The following FNDC3B variants were observed in gnomAD, a reference collection of about 807,000 sequenced individuals.
FNDC3B encodes fibronectin type III domain containing 3B, also known as fibronectin type III domain-containing protein 3B.
In FNDC3B, 12 loss-of-function variants were observed where a neutral mutation model predicts 151.5. The observed-to-expected ratio is 0.08, with a 90% confidence interval of 0.05 to 0.13. FNDC3B has a LOEUF of 0.13. Among genes scored for constraint, FNDC3B ranks in the 10% least tolerant of loss-of-function variants. The pLI is 1.00. For synonymous variants in FNDC3B, 528 were observed against 549.0 expected (o/e 0.96, Z 0.54); for missense variants, 1,214 against 1,505.3 (o/e 0.81, Z 3.20).
chr3:172,269,186 A>C (rs1406884359), intron 6 of FNDC3B, among the ~76,000 whole-genome samples: 3 of 152,254 alleles, frequency 2.0e-5, no homozygotes, highest in Non-Finnish European at 4.4e-5. Flanking sequence ...TTCAGACTAC[A>C]AAGAAATGTG....
chr3:172,337,175 TC>T (rs1477111829), intron 15 of FNDC3B, among the ~76,000 whole-genome samples, 154 bp from the exon 16 acceptor site: 1 of 152,184 alleles, frequency 6.6e-6, no homozygotes, highest in Non-Finnish European at 1.5e-5. Context: ...TTCTTTTTTT[TC>T]AACAGAGGAG....
chr3:172,223,651 A>G (rs1483824066), intron 3 of FNDC3B, among the ~76,000 whole-genome samples: 6 of 152,250 alleles, frequency 3.9e-5, no homozygotes, highest in Admixed American at 3.9e-4. Context: ...CACACTCTGT[A>G]CTGTGAAACA....
chr3:172,086,573 C>G (rs1033575737), intron 1 of FNDC3B, among the ~76,000 whole-genome samples: 9 of 151,998 alleles, frequency 5.9e-5, no homozygotes, highest in African/African-American at 2.2e-4. Context: ...AAAAATTGGC[C>G]TAAGTTCTTA....
intron 1 of FNDC3B, among the ~76,000 whole-genome samples, chr3:172,089,936 A>G (rs1434885463): frequency 6.6e-6 from 1 of 152,230 alleles, no homozygotes; most frequent in Non-Finnish European, 1.5e-5. Flanking sequence ...ATTTCGACAT[A>G]TATAATTCAT....
chr3:172,060,602 G>A (rs531973804), intron 1 of FNDC3B, among the ~76,000 whole-genome samples: 10 of 152,248 alleles, frequency 6.6e-5, no homozygotes, highest in African/African-American at 2.2e-4. Flanking sequence ...GTAAAGATGC[G>A]GCAAGAGAAG....
At chr3:172,087,680 T>C (rs993174775) in intron 1 of FNDC3B, among the ~76,000 whole-genome samples, 1 of 152,206 alleles carries the variant, frequency 6.6e-6, no homozygotes, top group African/African-American at 2.4e-5. Flanking sequence ...GATGTTGCAT[T>C]TTTAAAACTT....
intron 9 of FNDC3B, among the ~76,000 whole-genome samples, chr3:172,304,865 C>T (rs1311613384): frequency 6.6e-6 from 1 of 151,278 alleles, no homozygotes; most frequent in Non-Finnish European, 1.5e-5. Context: ...CCATTGCACC[C>T]CAGCCTAGGC....
intron 3 of FNDC3B, among the ~76,000 whole-genome samples, chr3:172,211,243 G>A (rs1456601360): frequency 6.6e-6 from 1 of 152,198 alleles, no homozygotes; most frequent in Non-Finnish European, 1.5e-5. Context: ...ATAACCTAGT[G>A]TAATTCAGGA....
At chr3:172,052,389 T>A (rs917098771) in intron 1 of FNDC3B, among the ~76,000 whole-genome samples, 1 of 152,136 alleles carries the variant, frequency 6.6e-6, no homozygotes, top group African/African-American at 2.4e-5. Context: ...ATGATCCTTT[T>A]ATAAGTGAAA....
chr3:172,088,513 C>T (rs1718660758), intron 1 of FNDC3B, among the ~76,000 whole-genome samples: 1 of 152,182 alleles, frequency 6.6e-6, no homozygotes, highest in Non-Finnish European at 1.5e-5. Context: ...CATCAAATCA[C>T]ACAAGTCTGT....
chr3:172,237,987 C>T (rs1727254560), intron 4 of FNDC3B, among the ~76,000 whole-genome samples: 2 of 152,086 alleles, frequency 1.3e-5, no homozygotes, highest in Admixed American at 6.5e-5. Flanking sequence ...TGGTCCGAAA[C>T]CTAGAATGAT....
At chr3:172,059,205 G>A (rs570133214) in intron 1 of FNDC3B, among the ~76,000 whole-genome samples, 3 of 152,184 alleles carry the variant, frequency 2.0e-5, no homozygotes, top group East Asian at 1.9e-4. Context: ...ATGATAGCAC[G>A]TAACATAATA....
At position 172,247,831 on chromosome 3, in the gene FNDC3B, A is replaced by G. The variant is rs1016926227; in HGVS notation, c.508+55A>G. 1.2e-5 allele frequency: 19 copies of G among 1,590,656 alleles called. No individual in the cohort carries two copies. In the African/African-American group the frequency reaches 1.3e-4, roughly 11 times the overall value. Reference sequence around the variant, plus strand: ...CGTTGAAACTGATTACAGCGTTTCAATAGTTCAAGGCGGTCCTTTGTTTCT... The same window carrying G: ...CGTTGAAACTGATTACAGCGTTTCAGTAGTTCAAGGCGGTCCTTTGTTTCT... On this transcript the variant is annotated intron_variant, in intron 5 of 25. Coordinates refer to ENST00000415807, the MANE Select transcript of FNDC3B (RefSeq NM_022763.4).
chr3:172,071,518 C>T (rs959874323), intron 1 of FNDC3B, among the ~76,000 whole-genome samples: 2 of 151,888 alleles, frequency 1.3e-5, no homozygotes, highest in South Asian at 2.1e-4. Flanking sequence ...TGTATATAGT[C>T]CATTAATTGA....
intron 4 of FNDC3B, among the ~76,000 whole-genome samples, chr3:172,240,625 C>G (rs1560034681): frequency 6.6e-6 from 1 of 152,150 alleles, no homozygotes; most frequent in East Asian, 1.9e-4. Context: ...CTTGGTTCTG[C>G]AGCATACCAG....
chr3:172,121,070 G>A (rs141435070), intron 2 of FNDC3B, among the ~76,000 whole-genome samples: 1,793 of 152,166 alleles, frequency 0.012, 21 homozygotes, highest in Non-Finnish European at 0.019. Context: ...CTGTTGATGC[G>A]GAATGTCCTC....
Position 172,156,016 on chromosome 3 carries a change from TC to T in FNDC3B, c.187+22471del, listed in dbSNP as rs1559992495. On this transcript the variant is annotated intron_variant, in intron 3 of 25. Transcript: ENST00000415807. ...AAAAAAATTGCCCAGAGACTCTTTT[TC>T]TAAATGGTTTTGGTAAATGTATTCT... 9.2e-5 allele frequency among the ~76,000 whole-genome samples: 14 copies of T among 152,330 alleles called. No individual in the cohort carries two copies. The South Asian group carries it at 2.7e-3, about 29-fold the overall frequency.
intron 1 of FNDC3B, among the ~76,000 whole-genome samples, chr3:172,101,023 C>T (rs191343472): frequency 6.6e-6 from 1 of 152,230 alleles, no homozygotes; most frequent in East Asian, 1.9e-4. Flanking sequence ...GGTACAGATT[C>T]TTTTCCTTAT....
intron 3 of FNDC3B, among the ~76,000 whole-genome samples, chr3:172,222,171 G>A (rs572418400): frequency 1.4e-4 from 21 of 152,236 alleles, no homozygotes; most frequent in African/African-American, 4.3e-4. Flanking sequence ...AAAAATAGCC[G>A]TTTAGACACA....
Sources: allele counts gnomAD v4.1 joint callset (sites outside exome capture counted in the v4.1 genomes callset), GRCh38; gene constraint gnomAD v4.1.1; transcripts MANE v1.5; gene names NCBI Gene and HGNC (gene_info 2026-07-23, HGNC 2026-07-21).